Variants in GAS7 observed in about 807,000 individuals in gnomAD.
GAS7 encodes growth arrest specific 7.
A neutral mutation model predicts 71.1 loss-of-function variants in GAS7; 28 were observed. That is an observed-to-expected ratio of 0.39 (90% CI 0.29 to 0.54). The LOEUF (loss-of-function observed/expected upper bound fraction) is 0.54, where lower values mean the gene tolerates loss of function less well. Among genes scored for constraint, GAS7 ranks in the 20% least tolerant of loss-of-function variants. The pLI is 0.62. For missense variants in GAS7, 436 were observed against 627.8 expected (o/e 0.69, Z 3.27); for synonymous variants, 258 against 245.8 (o/e 1.05, Z -0.46).
chr17:10,189,087 T>A (rs1262323350), intron 1 of GAS7, among the ~76,000 whole-genome samples: 1 of 152,164 alleles, frequency 6.6e-6, no homozygotes, highest in Non-Finnish European at 1.5e-5. Context: ...TGTATTTGCC[T>A]TTTACCTCCT....
At chr17:10,194,328 G>A (rs1340798596) in intron 1 of GAS7, among the ~76,000 whole-genome samples, 1 of 152,154 alleles carries the variant, frequency 6.6e-6, no homozygotes, top group African/African-American at 2.4e-5. Flanking sequence ...ACATTCCCCA[G>A]GTCCCTAATT....
chr17:10,095,587 T>C (rs917761315), intron 1 of GAS7, among the ~76,000 whole-genome samples: 1 of 152,250 alleles, frequency 6.6e-6, no homozygotes, highest in Admixed American at 6.5e-5. Flanking sequence ...TTTCGGAGGC[T>C]GAGGCGGGCG....
At chr17:10,098,016 C>T (rs1245584961) in intron 1 of GAS7, among the ~76,000 whole-genome samples, 3 of 149,772 alleles carry the variant, frequency 2.0e-5, no homozygotes, top group Non-Finnish European at 4.4e-5. Context: ...TGCACTCCAG[C>T]CCGGGTGACA....
At chr17:10,025,828 G>A (rs1010043069) in intron 1 of GAS7, among the ~76,000 whole-genome samples, 3 of 152,142 alleles carry the variant, frequency 2.0e-5, no homozygotes, top group African/African-American at 7.2e-5. Flanking sequence ...CAGCATTAGA[G>A]GCAGCAACTG....
At chr17:10,076,407 A>G (rs1212066123) in intron 1 of GAS7, among the ~76,000 whole-genome samples, 9 of 129,134 alleles carry the variant, frequency 7.0e-5, no homozygotes, top group Admixed American at 6.2e-4. Context: ...GGAAGAAAAA[A>G]GAAAAAGAGG....
chr17:10,180,074 C>T (rs1176109129), intron 1 of GAS7, among the ~76,000 whole-genome samples: 5 of 152,124 alleles, frequency 3.3e-5, no homozygotes, highest in African/African-American at 1.2e-4. Flanking sequence ...GGCGTGGTGG[C>T]TCATGGCTGT....
intron 1 of GAS7, among the ~76,000 whole-genome samples, chr17:10,088,207 C>T (rs1008337986): frequency 1.5e-5 from 2 of 134,378 alleles, no homozygotes; most frequent in African/African-American, 5.7e-5. Context: ...GGCAACAGAG[C>T]GAGACTCTAT....
chr17:10,111,208 C>T (rs1312969584), intron 1 of GAS7, among the ~76,000 whole-genome samples: 1 of 152,066 alleles, frequency 6.6e-6, no homozygotes, highest in East Asian at 1.9e-4. Flanking sequence ...CGAGACCAGC[C>T]TGGTCAACAT....
chr17:10,182,122 C>T (rs190251507), intron 1 of GAS7, among the ~76,000 whole-genome samples: 1 of 152,162 alleles, frequency 6.6e-6, no homozygotes, highest in Non-Finnish European at 1.5e-5. Flanking sequence ...AGTCAAGCAG[C>T]CCATACTGCT....
At chr17:10,134,258 C>A (rs1285113249) in intron 1 of GAS7, among the ~76,000 whole-genome samples, 1 of 152,004 alleles carries the variant, frequency 6.6e-6, no homozygotes. Flanking sequence ...GTCTCGATCT[C>A]CTGACCTCAT....
At chr17:10,051,211 G>A (rs1300701047) in intron 1 of GAS7, among the ~76,000 whole-genome samples, 1 of 152,172 alleles carries the variant, frequency 6.6e-6, no homozygotes, top group Non-Finnish European at 1.5e-5. Flanking sequence ...TAGAAACAAT[G>A]GTAGGTACAT....
chr17:10,165,559 A>G (rs2074288110), intron 1 of GAS7, among the ~76,000 whole-genome samples: 1 of 152,236 alleles, frequency 6.6e-6, no homozygotes, highest in Non-Finnish European at 1.5e-5. Flanking sequence ...AGCTTCGTCC[A>G]ATGGTTGAAA....
chr17:10,172,326 G>A (rs570627779), intron 1 of GAS7, among the ~76,000 whole-genome samples: 1 of 152,134 alleles, frequency 6.6e-6, no homozygotes, highest in South Asian at 2.1e-4. Context: ...TTCCTCTGCC[G>A]CATGTCCGGC....
chr17:9,987,471 T>G (rs2070689514), intron 2 of GAS7, among the ~76,000 whole-genome samples: 1 of 152,250 alleles, frequency 6.6e-6, no homozygotes, highest in Non-Finnish European at 1.5e-5. Context: ...CGAATGCCAG[T>G]GTCTACCCCA....
At chr17:10,038,241 C>A (rs2072793662) in intron 1 of GAS7, among the ~76,000 whole-genome samples, 1 of 152,088 alleles carries the variant, frequency 6.6e-6, no homozygotes, top group Admixed American at 6.6e-5. Flanking sequence ...ACCTGTAGTC[C>A]CAGCTACTTG....
chr17:9,934,007 G>A (rs1360985341), intron 9 of GAS7, among the ~76,000 whole-genome samples, 159 bp downstream of exon 9: 2 of 152,234 alleles, frequency 1.3e-5, no homozygotes, highest in African/African-American at 2.4e-5. Context: ...CCACTGGGCA[G>A]ATATCTCTTC....
Position 10,103,235 on chromosome 17 carries a change from T to C in GAS7, c.184-83338A>G, listed in dbSNP as rs1378989012. Among the ~76,000 whole-genome samples the C allele has an allele frequency of 3.3e-5, 5 of 151,882 alleles. No individual in the cohort carries two copies. Among genetic ancestry groups the C allele is most frequent in the African/African-American group, 2.4e-5 (1 of 41,358 alleles). On this transcript the variant is annotated intron_variant, in intron 1 of 13. Transcript: ENST00000432992. This position sits in a 1 kb window ranked among gnomAD's most constrained non-coding sequence, Gnocchi z 5.5. ...GGTGCACACTTGTGGTCCTAGCTAC[T>C]CAGGAGGCTAAGGTGGGAGAATCAC...
At chr17:9,963,889 A>T (rs575899397) in intron 4 of GAS7, among the ~76,000 whole-genome samples, 30 of 152,036 alleles carry the variant, frequency 2.0e-4, no homozygotes, top group African/African-American at 7.2e-4. Context: ...AAATATTTGC[A>T]TTTAAAACAG....
At chr17:10,100,408 C>T (rs1390083562) in intron 1 of GAS7, among the ~76,000 whole-genome samples, 1 of 151,580 alleles carries the variant, frequency 6.6e-6, no homozygotes, top group Non-Finnish European at 1.5e-5. Flanking sequence ...CTCCTCTCTG[C>T]CCTCTATTCC....
Sources: gnomAD v4.1 joint callset for allele counts (sites outside exome capture counted in the v4.1 genomes callset) on GRCh38, gnomAD v4.1.1 for gene constraint, Gnocchi (gnomAD v3.1) non-coding constraint, MANE v1.5 for transcripts, NCBI Gene and HGNC (gene_info 2026-07-23, HGNC 2026-07-21) for gene names.